The following OR51E2 variants were observed in gnomAD, a reference collection of about 807,000 sequenced individuals.
OR51E2 encodes olfactory receptor 51E2.
In OR51E2, 14 loss-of-function variants were observed where a neutral mutation model predicts 13.7. The observed-to-expected ratio is 1.02, with a 90% CI of 0.68 to 1.60. OR51E2 has a LOEUF of 1.60. Ranked by LOEUF, OR51E2 falls within the 40% of genes most tolerant of loss-of-function variation. The pLI is 0.00. For synonymous variants in OR51E2, 180 were observed against 157.6 expected, an observed-to-expected ratio of 1.14 and a Z score of -1.07; for missense variants, 483 against 413.8, an observed-to-expected ratio of 1.17 and a Z score of -1.45.
Position 4,682,290 on chromosome 11 carries a change from GCTGTTA to G in OR51E2, c.416_421del (p.Val139_Thr140del). ...GACCACAGCCACGATGCCAATCTGGGCTGTTACTGTATTGTTGAGCACTGCAGCATG... is the reference window on the plus strand; with the variant it reads ...GACCACAGCCACGATGCCAATCTGGGCTGTATTGTTGAGCACTGCAGCATG... On this transcript the variant is annotated inframe_deletion, in exon 2 of 2. Coordinates refer to ENST00000396950, the MANE Select transcript of OR51E2 (RefSeq NM_030774.4). 6.2e-7 allele frequency: 1 copy of G among 1,614,192 alleles called. No individual in the cohort carries two copies. Among genetic ancestry groups the G allele is most frequent in the Non-Finnish European group, 8.5e-7 (1 of 1,180,030 alleles).
At chr11:4,694,035 C>T (rs1417734642) in intron 1 of OR51E2, among the ~76,000 whole-genome samples, 4 of 152,288 alleles carry the variant, frequency 2.6e-5, no homozygotes, top group Non-Finnish European at 5.9e-5. Context: ...TTAGTTCCTA[C>T]GCAATATCTG....
chr11:4,693,432 G>A (rs972101750), intron 1 of OR51E2, among the ~76,000 whole-genome samples: 1 of 152,192 alleles, frequency 6.6e-6, no homozygotes, highest in African/African-American at 2.4e-5. Context: ...GTGTAAAAGT[G>A]TTGAGCAGGC....
intron 1 of OR51E2, chr11:4,690,876 G>C (rs1005758526): frequency 4.4e-6 from 2 of 456,508 alleles, no homozygotes; most frequent in Non-Finnish European, 8.8e-6. Context: ...AGCAATCATA[G>C]TATGTACATA....
intron 1 of OR51E2, among the ~76,000 whole-genome samples, chr11:4,688,099 C>T (rs1314076987): frequency 6.6e-6 from 1 of 152,056 alleles, no homozygotes; most frequent in African/African-American, 2.4e-5. Context: ...ATAAATGGAA[C>T]AAATTCTTTA....
Position 4,682,409 on chromosome 11 carries a change from G to C in OR51E2, c.303C>G (p.Phe101Leu), listed in dbSNP as rs1847465736. Residue 101 changes from phenylalanine (F) to leucine (L), a missense_variant, in exon 2 of 2, where the codon TTC becomes TTG. Transcript: ENST00000396950. ...CAATGGCTGAGAGGGCATGAATAAA[G>C]AACATCTGGGTAAGACAGGCCTCAA... ...ISFEACLTQM[F>L]FIHALSAIES... is the part of the protein sequence containing the mutation. 6.2e-7 allele frequency: 1 copy of C among 1,614,090 alleles called. No individual in the cohort carries two copies. Among genetic ancestry groups the C allele is most frequent in the South Asian group, 1.1e-5 (1 of 91,086 alleles).
chr11:4,696,816 A>G (rs1039263432), intron 1 of OR51E2, among the ~76,000 whole-genome samples: 1 of 152,200 alleles, frequency 6.6e-6, no homozygotes, highest in Non-Finnish European at 1.5e-5. Flanking sequence ...GGCTGTCTTA[A>G]TCTGCTGAAC....
chr11:4,692,003 C>T (rs1376035355), intron 1 of OR51E2, among the ~76,000 whole-genome samples: 1 of 152,148 alleles, frequency 6.6e-6, no homozygotes, highest in South Asian at 2.1e-4. Flanking sequence ...CCATAGATAA[C>T]CAAACTAAGA....
intron 1 of OR51E2, among the ~76,000 whole-genome samples, chr11:4,694,588 A>ACACT (rs1345113538): frequency 4.6e-5 from 7 of 151,606 alleles, no homozygotes; most frequent in Non-Finnish European, 8.8e-5. Flanking sequence ...ACACACACAC[A>ACACT]CACACACACA....
intron 1 of OR51E2, among the ~76,000 whole-genome samples, chr11:4,688,856 G>A (rs1334599285): frequency 6.6e-6 from 1 of 152,150 alleles, no homozygotes; most frequent in Non-Finnish European, 1.5e-5. Context: ...AAGGCATCAG[G>A]GATAACTCCA....
chr11:4,694,312 C>G (rs1429858995), intron 1 of OR51E2, among the ~76,000 whole-genome samples: 1 of 151,688 alleles, frequency 6.6e-6, no homozygotes, highest in Non-Finnish European at 1.5e-5. Context: ...AAAATGACTT[C>G]TCTCCTTTCC....
rs762551457 is a variant in OR51E2 at position 4,682,049 on chromosome 11, T to A, written c.663A>T (p.Ile221=). Residue 221 remains isoleucine (I), a synonymous_variant, in exon 2 of 2, where the codon ATA becomes ATT. Transcript: ENST00000396950. ...TGGAAGGCAGTTGCAGAACCGTTCG[T>A]ATTATCAGAAAATAGGACAAGGAGA... is the stretch of plus-strand genomic sequence containing the variant. ...MFISLSYFLI[I]RTVLQLPSKS... 2 of 1,614,218 alleles carry A rather than the reference T, an allele frequency of 1.2e-6. No individual in the cohort carries two copies. Among genetic ancestry groups the A allele is most frequent in the Non-Finnish European group, 8.5e-7 (1 of 1,180,040 alleles).
At position 4,682,537 on chromosome 11, in the gene OR51E2, A is replaced by G; in HGVS notation, c.175T>C (p.Tyr59His). ...GCTGCAAGCATGCAGAGAAAGAGGT[A>G]CATCGGAGCGTGCAGGCTGCGTTCC... ...RTERSLHAPM[Y>H]LFLCMLAAID... Residue 59 changes from tyrosine (Y) to histidine (H), a missense_variant, in exon 2 of 2, where the codon TAC becomes CAC. Transcript: ENST00000396950. 6.2e-7 allele frequency: 1 copy of G among 1,614,236 alleles called. No individual in the cohort carries two copies. The highest frequency in any genetic ancestry group is 1.1e-5 in the South Asian group (1 of 91,088).
intron 1 of OR51E2, chr11:4,691,287 G>A (rs540475066): frequency 2.2e-6 from 1 of 457,228 alleles, no homozygotes; most frequent in Admixed American, 2.3e-5. Context: ...TCTGGAGTCA[G>A]TTAAAATCAT....
intron 1 of OR51E2, among the ~76,000 whole-genome samples, chr11:4,694,988 A>T (rs1847638525): frequency 6.6e-6 from 1 of 152,216 alleles, no homozygotes; most frequent in Non-Finnish European, 1.5e-5. Context: ...GAGGAGAGAC[A>T]TGAATGAAAG....
chr11:4,682,218 A>G lies in OR51E2; in HGVS notation c.494T>C (p.Leu165Pro). The change falls in exon 2 of 2, where the codon CTG becomes CCG. Residue 165 changes from leucine to proline, a missense_variant. Transcript: ENST00000396950. ...GAGGACATTGGAGTGGCAGAAGGCC[A>G]GCCGCTTGATCAGCAGAGGCAGTGG... is the stretch of plus-strand genomic sequence containing the variant. ...FFPLPLLIKR[L>P]AFCHSNVLSH... 5 of 1,614,232 alleles carry G rather than the reference A, an allele frequency of 3.1e-6. No individual in the cohort carries two copies. The highest frequency in any genetic ancestry group is 3.4e-6 in the Non-Finnish European group (4 of 1,180,046).
At chr11:4,695,758 T>C (rs931347625) in intron 1 of OR51E2, among the ~76,000 whole-genome samples, 5 of 143,198 alleles carry the variant, frequency 3.5e-5, no homozygotes, top group African/African-American at 1.3e-4. Flanking sequence ...TTAGCTTCAG[T>C]GATGGTTATT....
At chr11:4,686,907 A>G (rs1356639436) in intron 1 of OR51E2, among the ~76,000 whole-genome samples, 2 of 152,114 alleles carry the variant, frequency 1.3e-5, no homozygotes, top group Non-Finnish European at 2.9e-5. Flanking sequence ...GGACTGTTGG[A>G]CAGGAGGACT....
At chr11:4,692,440 G>T (rs1847594045) in intron 1 of OR51E2, among the ~76,000 whole-genome samples, 1 of 152,238 alleles carries the variant, frequency 6.6e-6, no homozygotes, top group Non-Finnish European at 1.5e-5. Context: ...CAGTCTGCTG[G>T]AAGACTAGTT....
intron 1 of OR51E2, among the ~76,000 whole-genome samples, chr11:4,693,274 A>G (rs1482984853): frequency 6.6e-6 from 1 of 152,240 alleles, no homozygotes; most frequent in Non-Finnish European, 1.5e-5. Context: ...TTGAAAAACC[A>G]AAACACACTA....
Sources: gnomAD v4.1 joint callset for allele counts (sites outside exome capture counted in the v4.1 genomes callset) on GRCh38, gnomAD v4.1.1 for gene constraint, MANE v1.5 for transcripts, NCBI Gene and HGNC (gene_info 2026-07-23, HGNC 2026-07-21) for gene names.